CTNNA3: variants seen among roughly 807,000 people sequenced by gnomAD.
CTNNA3 encodes the protein catenin alpha 3, also known as catenin alpha-3.
A neutral mutation model predicts 95.7 loss-of-function variants in CTNNA3; 76 were observed. The ratio of observed to expected loss-of-function variants is 0.79; its 90% CI spans 0.66 to 0.96. CTNNA3 has a LOEUF of 0.96. CTNNA3 is among the 40% of genes least tolerant of loss of function. The pLI is 0.00. For missense variants in CTNNA3, 1,191 were observed against 1,089.8 expected (o/e 1.09, Z -1.31); for synonymous variants, 431 against 374.4 (o/e 1.15, Z -1.74).
intron 5 of CTNNA3, among the ~76,000 whole-genome samples, chr10:67,316,750 A>T (rs1379994575): frequency 6.6e-6 from 1 of 152,218 alleles, no homozygotes; most frequent in Non-Finnish European, 1.5e-5. Flanking sequence ...GTAAAATAGC[A>T]TAAGCCATGT....
Position 66,584,966 on chromosome 10 carries a change from C to G in CTNNA3, c.1374+36726G>C, listed in dbSNP as rs566099008. Reference sequence around the variant, plus strand: ...AAAGAGTTTTGCTGGACACAAAATTCTTGACCAACAGTCATTCTGTTCAGG... The same window carrying G: ...AAAGAGTTTTGCTGGACACAAAATTGTTGACCAACAGTCATTCTGTTCAGG... On this transcript the variant is annotated intron_variant, in intron 10 of 17. Transcript: ENST00000433211. Among the ~76,000 whole-genome samples the G allele has an allele frequency of 1.3e-4, 20 of 152,126 alleles. No homozygotes were observed. In the South Asian group the frequency reaches 2.3e-3, roughly 17 times the overall value.
intron 11 of CTNNA3, among the ~76,000 whole-genome samples, chr10:66,513,992 A>C (rs1743655039): frequency 6.6e-6 from 1 of 152,160 alleles, no homozygotes; most frequent in African/African-American, 2.4e-5. Flanking sequence ...GTGGAGATGC[A>C]GCAGCAATTA....
In CTNNA3 at chr10:66,148,324, A is replaced by T. The variant is rs1430678729; in HGVS notation, c.1885-45075T>A. 5.3e-5 allele frequency among the ~76,000 whole-genome samples: 8 copies of T among 152,224 alleles called. No individual in the cohort carries two copies. In the East Asian group the frequency reaches 1.5e-3, roughly 29 times the overall value. On this transcript the variant is annotated intron_variant, in intron 13 of 17. Transcript: ENST00000433211. ...TGTTTAAGAAAAATCTCACCACAAAAATGTTGCACAAATAGTATCTACTAG... is the reference window on the plus strand; with the variant it reads ...TGTTTAAGAAAAATCTCACCACAAATATGTTGCACAAATAGTATCTACTAG...
chr10:67,658,874 T>C (rs1445032185), intron 1 of CTNNA3, among the ~76,000 whole-genome samples: 2 of 152,194 alleles, frequency 1.3e-5, no homozygotes, highest in African/African-American at 2.4e-5. Flanking sequence ...AATTCAAACT[T>C]TATAAGCTTG....
chr10:66,803,504 T>C (rs1312714873), intron 7 of CTNNA3, among the ~76,000 whole-genome samples: 1 of 152,072 alleles, frequency 6.6e-6, no homozygotes, highest in Non-Finnish European at 1.5e-5. Flanking sequence ...TTGTATATTT[T>C]GAGAGTTTAT....
At chr10:66,777,006 G>A (rs1333044214) in intron 7 of CTNNA3, among the ~76,000 whole-genome samples, 3 of 152,098 alleles carry the variant, frequency 2.0e-5, no homozygotes, top group African/African-American at 7.2e-5. Flanking sequence ...TTCCAGGAAG[G>A]TGTCATTCTA....
chr10:67,569,896 C>G (rs1353998862), intron 3 of CTNNA3, among the ~76,000 whole-genome samples: 1 of 152,086 alleles, frequency 6.6e-6, no homozygotes, highest in African/African-American at 2.4e-5. Flanking sequence ...CTTCTCTTCT[C>G]GAGAGACTTT....
At chr10:67,002,882 A>T (rs1214911014) in intron 7 of CTNNA3, among the ~76,000 whole-genome samples, 4 of 152,234 alleles carry the variant, frequency 2.6e-5, no homozygotes, top group African/African-American at 7.2e-5. Flanking sequence ...CTAGGAAAGG[A>T]TAAAAACTTA....
intron 3 of CTNNA3, among the ~76,000 whole-genome samples, chr10:67,592,612 CA>C (rs1354993250): frequency 6.6e-6 from 1 of 151,910 alleles, no homozygotes; most frequent in Admixed American, 6.6e-5. Flanking sequence ...AATCCAGAGG[CA>C]AAAGAATAAC....
In CTNNA3 at chr10:66,449,772, T is replaced by C. The variant is rs947895245; in HGVS notation, c.1532-70420A>G. On this transcript the variant is annotated intron_variant, in intron 11 of 17. Transcript: ENST00000433211. ...ATATATCTTTTAAAATAATACCACA[T>C]AATAAAGAATATTAATCAGACATTT... Among the ~76,000 whole-genome samples the C allele has an allele frequency of 2.0e-5, 3 of 152,184 alleles. No homozygotes were observed. The East Asian group carries it at 5.8e-4, about 29-fold the overall frequency.
chr10:66,707,442 G>A (rs1848153848), intron 9 of CTNNA3, among the ~76,000 whole-genome samples: 1 of 151,770 alleles, frequency 6.6e-6, no homozygotes, highest in Non-Finnish European at 1.5e-5. Context: ...ATCTTTGAGG[G>A]CAGGGCTCCC....
chr10:67,725,234 C>T (rs1456837065), intron 1 of CTNNA3, among the ~76,000 whole-genome samples: 3 of 150,686 alleles, frequency 2.0e-5, no homozygotes, highest in Non-Finnish European at 4.4e-5. Flanking sequence ...TGGCGTGCAG[C>T]GGCACGATCT....
At chr10:66,746,860 AGT>A (rs57102717) in intron 9 of CTNNA3, among the ~76,000 whole-genome samples, 9,303 of 150,388 alleles carry the variant, frequency 0.062, 484 homozygotes, top group East Asian at 0.14. Flanking sequence ...AAATGGATGC[AGT>A]GTGTGTGTGT....
At chr10:67,110,404 A>G (rs187058194) in intron 7 of CTNNA3, among the ~76,000 whole-genome samples, 46 of 152,172 alleles carry the variant, frequency 3.0e-4, no homozygotes, top group Non-Finnish European at 6.0e-4. Flanking sequence ...GGGCTCTGGG[A>G]TTGTTAAGAT....
At chr10:66,369,447 A>G (rs1308858951) in intron 12 of CTNNA3, among the ~76,000 whole-genome samples, 3 of 151,896 alleles carry the variant, frequency 2.0e-5, no homozygotes, top group Non-Finnish European at 4.4e-5. Flanking sequence ...TATCCTTTCC[A>G]CCTTTAGTCA....
chr10:66,330,270 C>T (rs2092308609), intron 12 of CTNNA3, among the ~76,000 whole-genome samples: 1 of 148,958 alleles, frequency 6.7e-6, no homozygotes, highest in Non-Finnish European at 1.5e-5. Context: ...CTTCCTGTGT[C>T]CCTGTGTTCT....
intron 15 of CTNNA3, among the ~76,000 whole-genome samples, chr10:66,013,497 C>T (rs929310280): frequency 5.9e-5 from 9 of 152,172 alleles, no homozygotes; most frequent in Non-Finnish European, 1.2e-4. Context: ...CTAGTAATAA[C>T]ATGTGTATAT....
chr10:67,560,557 G>T (rs1305843705), intron 3 of CTNNA3, among the ~76,000 whole-genome samples: 1 of 152,102 alleles, frequency 6.6e-6, no homozygotes. Flanking sequence ...ACACCATCGA[G>T]GCTAGGAAGA....
intron 10 of CTNNA3, among the ~76,000 whole-genome samples, chr10:66,583,144 T>C (rs530438272): frequency 7.4e-4 from 113 of 151,996 alleles, no homozygotes; most frequent in Admixed American, 5.4e-3. Flanking sequence ...AGGGTGATAC[T>C]GGGCTTGTAG....
Sources: allele counts gnomAD v4.1 joint callset (sites outside exome capture counted in the v4.1 genomes callset), GRCh38; gene constraint gnomAD v4.1.1; transcripts MANE v1.5; gene names NCBI Gene and HGNC (gene_info 2026-07-23, HGNC 2026-07-21).